The following NEDD4 variants were observed in gnomAD, a reference collection of about 807,000 sequenced individuals.
The protein encoded by NEDD4 is NEDD4 E3 ubiquitin protein ligase.
A neutral mutation model predicts 144.9 loss-of-function variants in NEDD4; 99 were observed. That is an observed-to-expected ratio of 0.68 (90% CI 0.58 to 0.81). The LOEUF is 0.81. NEDD4 is among the 30% of genes least tolerant of loss of function. The pLI is 0.00. For synonymous variants in NEDD4, 318 were observed against 350.6 expected, an observed-to-expected ratio of 0.91 and a Z score of 1.04; for missense variants, 985 against 1,065.9, an observed-to-expected ratio of 0.92 and a Z score of 1.06.
chr15:55,902,200 G>A (rs1420136906), intron 5 of NEDD4, among the ~76,000 whole-genome samples: 1 of 152,124 alleles, frequency 6.6e-6, no homozygotes, highest in African/African-American at 2.4e-5. Flanking sequence ...TAAAGAAAGA[G>A]AAAATCCTAT....
rs2032791720 is a variant in NEDD4 at position 55,828,452 on chromosome 15, G to C, written c.*1445C>G. ...AATATAAGTATGAAATATAAATACA[G>C]TCTTGGCACACTTTATCTTTGCAGG... On this transcript the variant is annotated 3_prime_UTR_variant, in exon 29 of 29. Coordinates refer to ENST00000435532, the MANE Select transcript of NEDD4 (RefSeq NM_006154.4). 1 of 152,104 alleles carries C rather than the reference G, an allele frequency of 6.6e-6. No individual in the cohort carries two copies. The highest frequency in any genetic ancestry group is 1.5e-5 in the Non-Finnish European group (1 of 68,018). The allele number at this position is 152,104 out of a possible 1,614,324, so 9.4% of individuals were successfully genotyped here.
chr15:55,935,553 G>T (rs934967249), intron 4 of NEDD4, among the ~76,000 whole-genome samples: 2 of 151,922 alleles, frequency 1.3e-5, no homozygotes, highest in Non-Finnish European at 2.9e-5. Context: ...TTTTTAAAGG[G>T]ATACTCAGCA....
At chr15:55,978,248 T>C (rs920435223) in intron 1 of NEDD4, among the ~76,000 whole-genome samples, 1 of 152,214 alleles carries the variant, frequency 6.6e-6, no homozygotes, top group Admixed American at 6.5e-5. Flanking sequence ...ATTTAACTTT[T>C]AACCTTTCTC....
Position 55,852,690 on chromosome 15 carries a change from AATAT to A in NEDD4, c.1027-151_1027-148del, listed in dbSNP as rs59736982. On this transcript the variant is annotated intron_variant, in intron 12 of 28. Coordinates refer to ENST00000435532, the MANE Select transcript of NEDD4 (RefSeq NM_006154.4). ...TTACTACAGTTTTGCCTTTTCTAGA[AATAT>A]ATATATATATATATATATATATATA... 1.2e-3 allele frequency: 214 copies of A among 184,150 alleles called. 1 individual carries two copies. Among genetic ancestry groups the A allele is most frequent in the African/African-American group, 4.5e-3 (160 of 35,458 alleles). The allele number at this position is 184,150 out of a possible 1,614,324, so 11.4% of individuals were successfully genotyped here. A position where few individuals can be genotyped will look rare whatever the true frequency, so the allele number is the denominator to read the frequency against.
chr15:55,844,704 A>G (rs1242413527), intron 18 of NEDD4, among the ~76,000 whole-genome samples: 3 of 152,192 alleles, frequency 2.0e-5, no homozygotes, highest in African/African-American at 7.2e-5. Context: ...AGTATCTGGC[A>G]TATGGTAATT....
intron 5 of NEDD4, among the ~76,000 whole-genome samples, chr15:55,878,841 A>C (rs1357369535): frequency 2.6e-5 from 4 of 152,242 alleles, no homozygotes; most frequent in Non-Finnish European, 4.4e-5. Flanking sequence ...TGTTTTTTTG[A>C]GACGGAGTTT....
intron 4 of NEDD4, among the ~76,000 whole-genome samples, chr15:55,927,434 A>G (rs1378100550): frequency 6.6e-6 from 1 of 152,098 alleles, no homozygotes; most frequent in Non-Finnish European, 1.5e-5. Context: ...CTGAGGGTCT[A>G]CAGGCATGCA....
intron 5 of NEDD4, chr15:55,915,332 T>C: frequency 6.2e-7 from 1 of 1,610,032 alleles, no homozygotes; most frequent in Non-Finnish European, 8.5e-7. Context: ...TGCTGTCTCT[T>C]GATAAATTAT....
At position 55,942,160 on chromosome 15, in the gene NEDD4, G is replaced by C. The variant is rs141325621; in HGVS notation, c.237+9216C>G. Among the ~76,000 whole-genome samples, 25 of 151,986 alleles carry C rather than the reference G, an allele frequency of 1.6e-4. No individual in the cohort carries two copies. The East Asian group carries it at 4.6e-3, about 28-fold the overall frequency. On this transcript the variant is annotated intron_variant, in intron 4 of 28. Transcript: ENST00000435532. ...ATTTAGTTCTGTCAATTTTGACTTCGTAATTTTAAAGATTACTAGGTCCAT... is the reference window on the plus strand; with the variant it reads ...ATTTAGTTCTGTCAATTTTGACTTCCTAATTTTAAAGATTACTAGGTCCAT...
chr15:55,982,035 T>C (rs2037812568), intron 1 of NEDD4, among the ~76,000 whole-genome samples: 1 of 152,236 alleles, frequency 6.6e-6, no homozygotes, highest in Non-Finnish European at 1.5e-5. Flanking sequence ...AAAGTATCAC[T>C]GGAAGGATAC....
rs1195031679 is a variant in NEDD4 at position 55,959,941 on chromosome 15, T to C, written c.119+6532A>G. On this transcript the variant is annotated intron_variant, in intron 2 of 28. Transcript: ENST00000435532. ...GTTGCCTCAGCATCCATAATGAATG[T>C]TAAGTTGGACATTTTTATACCAGAA... Among the ~76,000 whole-genome samples the C allele has an allele frequency of 3.3e-5, 5 of 152,336 alleles. No homozygotes were observed. The East Asian group carries it at 9.6e-4, about 29-fold the overall frequency.
At chr15:55,843,769 G>T (rs1197531629) in intron 18 of NEDD4, among the ~76,000 whole-genome samples, 1 of 152,086 alleles carries the variant, frequency 6.6e-6, no homozygotes, top group African/African-American at 2.4e-5. Context: ...AAAATGGTAA[G>T]CTTGCAGAAC....
chr15:55,917,191 G>A, intron 5 of NEDD4: 6 of 998,498 alleles, frequency 6.0e-6, no homozygotes, highest in Non-Finnish European at 4.8e-6. Flanking sequence ...TTGCATGAAT[G>A]AGTAACACAA....
chr15:55,985,213 T>C (rs371446987), intron 1 of NEDD4, among the ~76,000 whole-genome samples: 6 of 152,236 alleles, frequency 3.9e-5, no homozygotes, highest in Middle Eastern at 3.2e-3. Flanking sequence ...TAATTACCTA[T>C]AAAAGAAATT....
chr15:55,984,220 T>G (rs1317312502), intron 1 of NEDD4, among the ~76,000 whole-genome samples: 1 of 152,234 alleles, frequency 6.6e-6, no homozygotes, highest in Non-Finnish European at 1.5e-5. Context: ...TTCACATTCA[T>G]CATATTCCTG....
Position 55,829,942 on chromosome 15 carries a change from A to C in NEDD4, c.2658T>G (p.Leu886=). 6.2e-7 allele frequency: 1 copy of C among 1,613,844 alleles called. No individual in the cohort carries two copies. Among genetic ancestry groups the C allele is most frequent in the Non-Finnish European group, 8.5e-7 (1 of 1,179,918 alleles). Residue 886 remains leucine, a synonymous_variant, in exon 29 of 29, where the codon CTT becomes CTG. Coordinates refer to ENST00000435532, the MANE Select transcript of NEDD4 (RefSeq NM_006154.4). The part of the protein sequence containing the change: ...YESFEELWDK[L]QMAIENTQGF... Reference sequence around the variant, plus strand: ...CCTGGGTGTTTTCAATTGCCATCTGAAGTTTATCCCATAATTCTTCAAATG... The same window carrying C: ...CCTGGGTGTTTTCAATTGCCATCTGCAGTTTATCCCATAATTCTTCAAATG...
intron 1 of NEDD4, among the ~76,000 whole-genome samples, chr15:55,986,580 C>CTTTTTTTTTTTTTT (rs58470215): frequency 1.3e-5 from 1 of 76,424 alleles, no homozygotes; most frequent in Admixed American, 1.9e-4. Flanking sequence ...CCTGTCCTTG[C>CTTTTTTTTTTTTTT]TTTTTTTTTT....
chr15:55,964,375 T>C (rs570506136), intron 2 of NEDD4, among the ~76,000 whole-genome samples: 33 of 152,258 alleles, frequency 2.2e-4, no homozygotes, highest in Non-Finnish European at 1.8e-4. Flanking sequence ...TCTACTGATC[T>C]ATCTTTAAGT....
At chr15:55,921,182 ATAT>A (rs763129818) in intron 5 of NEDD4, among the ~76,000 whole-genome samples, 18 of 152,158 alleles carry the variant, frequency 1.2e-4, no homozygotes, top group African/African-American at 1.4e-4. Context: ...GGCAGGGCAA[ATAT>A]TGTTGTCCTC....
Sources: allele counts gnomAD v4.1 joint callset (sites outside exome capture counted in the v4.1 genomes callset), GRCh38; gene constraint gnomAD v4.1.1; transcripts MANE v1.5; gene names NCBI Gene and HGNC (gene_info 2026-07-23, HGNC 2026-07-21).